Variants in MSRB3 observed in about 807,000 individuals in gnomAD.
MSRB3 encodes the protein methionine sulfoxide reductase B3, also known as methionine-R-sulfoxide reductase B3.
In MSRB3, 13 loss-of-function variants were observed where a neutral mutation model predicts 21.0. That is an observed-to-expected ratio of 0.62 (90% CI 0.40 to 0.98). MSRB3 has a LOEUF of 0.98. Among genes scored for constraint, MSRB3 ranks in the 50% least tolerant of loss-of-function variants. The probability of loss-of-function intolerance (pLI) is 0.00; values close to 1 mark genes in which losing one functional copy is unlikely to be tolerated. For missense variants in MSRB3, 199 were observed against 230.3 expected, an observed-to-expected ratio of 0.86 and a Z score of 0.88; for synonymous variants, 87 against 88.6, an observed-to-expected ratio of 0.98 and a Z score of 0.10.
chr12:65,376,778 A>G (rs973834935), intron 5 of MSRB3, among the ~76,000 whole-genome samples: 2 of 152,152 alleles, frequency 1.3e-5, no homozygotes, highest in Non-Finnish European at 2.9e-5. Flanking sequence ...GTGTATACCT[A>G]TGTAACAAAC....
chr12:65,451,488 AAG>A (rs1046154465), intron 5 of MSRB3, among the ~76,000 whole-genome samples: 1 of 152,154 alleles, frequency 6.6e-6, no homozygotes, highest in African/African-American at 2.4e-5. Context: ...GGAACATAAG[AAG>A]AGAGTCCTAA....
chr12:65,375,861 T>C (rs992318325), intron 5 of MSRB3, among the ~76,000 whole-genome samples: 1 of 152,072 alleles, frequency 6.6e-6, no homozygotes, highest in Non-Finnish European at 1.5e-5. Flanking sequence ...TTTTCAGTTT[T>C]ATTGTTTGGT....
intron 1 of MSRB3, among the ~76,000 whole-genome samples, chr12:65,308,313 A>T (rs940143075): frequency 6.6e-6 from 1 of 152,156 alleles, no homozygotes; most frequent in Non-Finnish European, 1.5e-5. Flanking sequence ...CACAGATTGC[A>T]CTGCTATCAT....
At chr12:65,389,842 A>G (rs1415477833) in intron 5 of MSRB3, among the ~76,000 whole-genome samples, 3 of 152,238 alleles carry the variant, frequency 2.0e-5, no homozygotes, top group Non-Finnish European at 4.4e-5. Context: ...AGGAAAGAGT[A>G]TAATTATGGG....
chr12:65,328,213 T>C (rs926611431), intron 3 of MSRB3, among the ~76,000 whole-genome samples: 3 of 152,194 alleles, frequency 2.0e-5, no homozygotes, highest in East Asian at 1.9e-4. Context: ...CAAAATCTTA[T>C]GTAATGTTCT....
At position 65,317,465 on chromosome 12, in the gene MSRB3, G is replaced by C. The variant is rs577370563; in HGVS notation, c.76+8810G>C. On this transcript the variant is annotated intron_variant, in intron 2 of 6. Coordinates refer to ENST00000308259, the MANE Select transcript of MSRB3 (RefSeq NM_001031679.3). ...ATCAGCATAAGAAAATCTCTGAGAAGGTCTTCAAGAAACCCATGTCACCTA... is the reference window on the plus strand; with the variant it reads ...ATCAGCATAAGAAAATCTCTGAGAACGTCTTCAAGAAACCCATGTCACCTA... Among the ~76,000 whole-genome samples, 5 of 152,186 alleles carry C rather than the reference G, an allele frequency of 3.3e-5. No homozygotes were observed. The South Asian group carries it at 1.0e-3, about 32-fold the overall frequency.
At position 65,367,748 on chromosome 12, in the gene MSRB3, A is replaced by G. The variant is rs992927859; in HGVS notation, c.264-1250A>G. Among the ~76,000 whole-genome samples the G allele has an allele frequency of 3.3e-5, 5 of 152,208 alleles. No homozygotes were observed. In the East Asian group the frequency reaches 7.7e-4, roughly 23 times the overall value. ...TGTACCTGAAATAGAAGGCAGGGACATGGAAGACAAAGGTTGAGATGAGGA... is the reference window on the plus strand; with the variant it reads ...TGTACCTGAAATAGAAGGCAGGGACGTGGAAGACAAAGGTTGAGATGAGGA... On this transcript the variant is annotated intron_variant, in intron 4 of 6. Coordinates refer to ENST00000308259, the MANE Select transcript of MSRB3 (RefSeq NM_001031679.3).
At chr12:65,315,041 AT>A (rs1487177192) in intron 2 of MSRB3, among the ~76,000 whole-genome samples, 1 of 152,206 alleles carries the variant, frequency 6.6e-6, no homozygotes, top group African/African-American at 2.4e-5. Flanking sequence ...CAGCTCACAG[AT>A]TCAGTAATAT....
chr12:65,376,825 A>G (rs142097762), intron 5 of MSRB3, among the ~76,000 whole-genome samples: 2 of 152,290 alleles, frequency 1.3e-5, no homozygotes, highest in African/African-American at 2.4e-5. Context: ...AACTTAAAAT[A>G]TATATAAAAG....
At chr12:65,398,222 A>G (rs1592599158) in intron 5 of MSRB3, among the ~76,000 whole-genome samples, 1 of 152,178 alleles carries the variant, frequency 6.6e-6, no homozygotes, top group Admixed American at 6.5e-5. Flanking sequence ...TTACACTCCT[A>G]CCAACAGTGT....
At chr12:65,293,513 C>A (rs1872775274) in intron 1 of MSRB3, among the ~76,000 whole-genome samples, 1 of 152,192 alleles carries the variant, frequency 6.6e-6, no homozygotes, top group Admixed American at 6.5e-5. Flanking sequence ...AGGGCTACTG[C>A]TCATCTTTTC....
intron 1 of MSRB3, chr12:65,279,518 G>A (rs1054591424): frequency 6.6e-6 from 1 of 152,204 alleles, no homozygotes; most frequent in Non-Finnish European, 1.5e-5. Context: ...AGTTTGCCAG[G>A]TATCAGTTTT....
rs572725417 is a variant in MSRB3, at chr12:65,307,045, T to C, written c.-51-1484T>C. ...TTGCTAAGTAATTACATTTACTGTG[T>C]GTGCTTTATTCCTCACAGAGAAGGG... is the stretch of plus-strand genomic sequence containing the variant. On this transcript the variant is annotated intron_variant, in intron 1 of 6. Coordinates refer to ENST00000308259, the MANE Select transcript of MSRB3 (RefSeq NM_001031679.3). The C allele has an allele frequency of 1.3e-3, 1,245 of 985,542 alleles. 47 individuals carry two copies. In the South Asian group the frequency reaches 0.051, roughly 40 times the overall value. 61.0% of individuals were successfully genotyped at this position (985,542 alleles called of 1,614,324 possible). A position where few individuals can be genotyped will look rare whatever the true frequency, so the allele number is the denominator to read the frequency against.
intron 5 of MSRB3, among the ~76,000 whole-genome samples, chr12:65,382,822 G>A (rs59720469): frequency 6.6e-6 from 1 of 151,560 alleles, no homozygotes; most frequent in African/African-American, 2.4e-5. Context: ...ATAATTTCCA[G>A]CATATATGTT....
At chr12:65,345,800 C>T (rs950086155) in intron 4 of MSRB3, among the ~76,000 whole-genome samples, 1 of 152,030 alleles carries the variant, frequency 6.6e-6, no homozygotes, top group Non-Finnish European at 1.5e-5. Context: ...TCTCATTGTT[C>T]AATTCCCACC....
At chr12:65,344,839 C>G (rs1208639950) in intron 4 of MSRB3, among the ~76,000 whole-genome samples, 1 of 152,010 alleles carries the variant, frequency 6.6e-6, no homozygotes, top group Non-Finnish European at 1.5e-5. Context: ...GGGTCTACTT[C>G]AGTAATTTGC....
intron 1 of MSRB3, among the ~76,000 whole-genome samples, chr12:65,296,165 T>C (rs1252776999): frequency 6.6e-6 from 1 of 152,236 alleles, no homozygotes; most frequent in Non-Finnish European, 1.5e-5. Flanking sequence ...TTGTCAAATA[T>C]AATGATTTCT....
At chr12:65,375,013 C>CTTT (rs34940463) in intron 5 of MSRB3, among the ~76,000 whole-genome samples, 14 of 140,350 alleles carry the variant, frequency 1.0e-4, no homozygotes, top group Middle Eastern at 3.4e-3. Context: ...CCACGCCTGG[C>CTTT]TTTTTTTTTT....
intron 6 of MSRB3, among the ~76,000 whole-genome samples, chr12:65,455,730 A>G (rs1193997071): frequency 1.3e-5 from 2 of 152,022 alleles, no homozygotes; most frequent in Non-Finnish European, 2.9e-5. Context: ...TTAATGCGAT[A>G]TAGTTTGGGG....
Sources: allele counts gnomAD v4.1 joint callset (sites outside exome capture counted in the v4.1 genomes callset), GRCh38; gene constraint gnomAD v4.1.1; transcripts MANE v1.5; gene names NCBI Gene and HGNC (gene_info 2026-07-23, HGNC 2026-07-21).